The following CLASP1 variants were observed in gnomAD, a reference collection of about 807,000 sequenced individuals.
CLASP1 encodes the protein cytoplasmic linker associated protein 1.
In CLASP1, 38 loss-of-function variants were observed where a neutral mutation model predicts 192.3. The observed-to-expected ratio is 0.20, with a 90% CI of 0.15 to 0.26. The LOEUF (loss-of-function observed/expected upper bound fraction) is 0.26. CLASP1 is among the 10% of genes least tolerant of loss of function. CLASP1 has a pLI of 1.00. For missense variants in CLASP1, 1,433 were observed against 1,932.5 expected (o/e 0.74, Z 4.85); for synonymous variants, 691 against 712.8 (o/e 0.97, Z 0.49).
intron 6 of CLASP1, among the ~76,000 whole-genome samples, chr2:121,523,532 T>A (rs1163498647): frequency 6.6e-6 from 1 of 152,202 alleles, no homozygotes; most frequent in Non-Finnish European, 1.5e-5. Context: ...AAGGAAAACC[T>A]GTGAAGAGTA....
At chr2:121,515,639 G>A (rs1398415791) in intron 7 of CLASP1, 26 bp downstream of exon 7, 4 of 1,593,130 alleles carry the variant, frequency 2.5e-6, no homozygotes, top group Admixed American at 1.7e-5. Context: ...GGGTAGAGCA[G>A]AAGAAAGGAA....
intron 2 of CLASP1, among the ~76,000 whole-genome samples, chr2:121,581,934 G>A (rs1321412097): frequency 1.3e-5 from 2 of 151,998 alleles, no homozygotes; most frequent in African/African-American, 2.4e-5. Flanking sequence ...CGTAATCCCA[G>A]CACTTTGGGA....
At chr2:121,397,497 G>C (rs1225463127) in intron 29 of CLASP1, among the ~76,000 whole-genome samples, 1 of 152,162 alleles carries the variant, frequency 6.6e-6, no homozygotes, top group East Asian at 1.9e-4. Flanking sequence ...ACATGGCTCA[G>C]TTTTCTTCAT....
At chr2:121,471,888 C>A (rs1407043324) in intron 8 of CLASP1, among the ~76,000 whole-genome samples, 1 of 152,108 alleles carries the variant, frequency 6.6e-6, no homozygotes, top group African/African-American at 2.4e-5. Context: ...TCATAATGGC[C>A]TTCCCAAAAG....
chr2:121,450,387 T>C (rs1320223833), intron 16 of CLASP1, among the ~76,000 whole-genome samples: 2 of 151,832 alleles, frequency 1.3e-5, no homozygotes, highest in African/African-American at 2.4e-5. Context: ...GGCCACATAA[T>C]TGGAGGAAAC....
At chr2:121,396,265 G>T (rs1177145048) in intron 30 of CLASP1, among the ~76,000 whole-genome samples, 2 of 152,164 alleles carry the variant, frequency 1.3e-5, no homozygotes, top group Non-Finnish European at 2.9e-5. Context: ...AGAATTAGTG[G>T]GGCAGGCATG....
chr2:121,568,768 T>C (rs1158792033), intron 2 of CLASP1, among the ~76,000 whole-genome samples: 1 of 152,042 alleles, frequency 6.6e-6, no homozygotes, highest in Non-Finnish European at 1.5e-5. Flanking sequence ...CAGGGTCCTA[T>C]AAAATAGAGC....
At chr2:121,564,109 G>C (rs2059317225) in intron 2 of CLASP1, among the ~76,000 whole-genome samples, 1 of 152,174 alleles carries the variant, frequency 6.6e-6, no homozygotes, top group Admixed American at 6.5e-5. Flanking sequence ...CACTTGCAAT[G>C]TGTGGGAATT....
At chr2:121,584,577 T>C (rs1212636145) in intron 2 of CLASP1, among the ~76,000 whole-genome samples, 11 of 151,974 alleles carry the variant, frequency 7.2e-5, no homozygotes. Flanking sequence ...ACTGCTTATT[T>C]CCAGAATAGA....
chr2:121,434,173 T>G (rs534774705), intron 19 of CLASP1, among the ~76,000 whole-genome samples: 55 of 152,284 alleles, frequency 3.6e-4, no homozygotes, highest in African/African-American at 1.2e-3. Flanking sequence ...GAAGAAACAG[T>G]TTTGGGTTTT....
chr2:121,470,180 T>C (rs2090422007), intron 8 of CLASP1: 3 of 621,454 alleles, frequency 4.8e-6, no homozygotes, highest in South Asian at 4.5e-5. Flanking sequence ...CAGAATACTT[T>C]TGCACTCAAA....
chr2:121,435,082 A>G (rs1027920948), intron 19 of CLASP1, among the ~76,000 whole-genome samples: 4 of 152,116 alleles, frequency 2.6e-5, no homozygotes, highest in African/African-American at 9.7e-5. Context: ...GCACTTTGGG[A>G]GGCCTAGGCA....
chr2:121,635,628 G>A (rs548390820), intron 1 of CLASP1, among the ~76,000 whole-genome samples: 2 of 152,294 alleles, frequency 1.3e-5, no homozygotes, highest in East Asian at 3.9e-4. Context: ...ACACTAAAGA[G>A]TGTGATGGAG....
chr2:121,472,495 T>A (rs139908898), intron 8 of CLASP1, among the ~76,000 whole-genome samples: 2 of 152,312 alleles, frequency 1.3e-5, no homozygotes, highest in Non-Finnish European at 2.9e-5. Flanking sequence ...CACCCCAACT[T>A]TCTGCCTGGA....
Position 121,424,248 on chromosome 2 carries a change from T to C in CLASP1, c.2212+891A>G, listed in dbSNP as rs533739872. ...CATTTCCACCTCTCCCCAATAGATATCAAGCTTTTTGAAGTCAGAATCTAA... is the reference window on the plus strand; with the variant it reads ...CATTTCCACCTCTCCCCAATAGATACCAAGCTTTTTGAAGTCAGAATCTAA... On this transcript the variant is annotated intron_variant, in intron 22 of 39. Transcript: ENST00000263710. 7.5e-4 allele frequency among the ~76,000 whole-genome samples: 114 copies of C among 152,328 alleles called. 1 individual carries two copies. Among genetic ancestry groups the C allele is most frequent in the Middle Eastern group, 3.4e-3 (1 of 294 alleles).
At chr2:121,577,172 T>C (rs927468627) in intron 2 of CLASP1, among the ~76,000 whole-genome samples, 19 of 151,926 alleles carry the variant, frequency 1.3e-4, no homozygotes, top group African/African-American at 4.6e-4. Flanking sequence ...TGAAGCTGGA[T>C]GATGAGTATG....
chr2:121,382,299 C>T (rs775092504), exon 33 of CLASP1: 7 of 1,585,808 alleles, frequency 4.4e-6, no homozygotes, highest in South Asian at 1.2e-5. Context: ...TTCGCTAACC[C>T]GTCGGCACTC....
intron 8 of CLASP1, among the ~76,000 whole-genome samples, chr2:121,491,913 T>A (rs565378903): frequency 6.6e-6 from 1 of 152,198 alleles, no homozygotes; most frequent in Non-Finnish European, 1.5e-5. Flanking sequence ...ATTTTGAACA[T>A]CTGAAGATAT....
chr2:121,479,033 CCACACACACACACACCCCCCCCCCACA>C (rs2092347939), intron 8 of CLASP1, among the ~76,000 whole-genome samples: 2 of 59,010 alleles, frequency 3.4e-5, no homozygotes, highest in Non-Finnish European at 6.7e-5. Flanking sequence ...CACACACACC[CCACACACACACACACCCCCCCCCCACA>C]CACACACACA....
Sources: gnomAD v4.1 joint callset for allele counts (sites outside exome capture counted in the v4.1 genomes callset) on GRCh38, gnomAD v4.1.1 for gene constraint, MANE v1.5 for transcripts, NCBI Gene and HGNC (gene_info 2026-07-23, HGNC 2026-07-21) for gene names.